The following CFAP20DC variants were observed in gnomAD, a reference collection of about 807,000 sequenced individuals.
CFAP20DC encodes the protein CFAP20 domain containing, also known as protein CFAP20DC.
In CFAP20DC, 84 loss-of-function variants were observed where a neutral mutation model predicts 101.7. The observed-to-expected ratio is 0.83, with a 90% CI of 0.69 to 0.99. The LOEUF (loss-of-function observed/expected upper bound fraction) is 0.99, where lower values mean the gene tolerates loss of function less well. Among genes scored for constraint, CFAP20DC ranks in the 50% least tolerant of loss-of-function variants. The pLI is 0.00. For synonymous variants in CFAP20DC, 359 were observed against 351.2 expected (o/e 1.02, Z -0.25); for missense variants, 1,007 against 970.3 (o/e 1.04, Z -0.50).
intron 4 of CFAP20DC, among the ~76,000 whole-genome samples, chr3:58,942,176 T>C (rs373679850): frequency 4.6e-5 from 7 of 152,260 alleles, no homozygotes; most frequent in South Asian, 2.1e-4. Flanking sequence ...CTCATTGATC[T>C]TCAAATGTGA....
chr3:59,011,021 G>C (rs190210613), intron 4 of CFAP20DC, among the ~76,000 whole-genome samples: 18 of 152,294 alleles, frequency 1.2e-4, no homozygotes, highest in Non-Finnish European at 2.5e-4. Flanking sequence ...GACTATAATA[G>C]TGGCACAACT....
rs191058930 is a variant in CFAP20DC, at chr3:58,928,591, T to C, written c.393+9057A>G. 2.0e-5 allele frequency among the ~76,000 whole-genome samples: 3 copies of C among 152,326 alleles called. No homozygotes were observed. In the East Asian group the frequency reaches 5.8e-4, roughly 29 times the overall value. On this transcript the variant is annotated intron_variant, in intron 5 of 16. Transcript: ENST00000482387. ...TTCTACGTTCTTAACCCCTACATAC[T>C]ATTTATATGTTATATATGTAATAAA... is the stretch of plus-strand genomic sequence containing the variant.
intron 4 of CFAP20DC, among the ~76,000 whole-genome samples, chr3:59,000,033 T>C (rs2093264883): frequency 6.6e-6 from 1 of 152,084 alleles, no homozygotes. Context: ...GCCCAGAAAC[T>C]GCCTGTCCAA....
chr3:58,970,040 A>T (rs2091858229), intron 4 of CFAP20DC, among the ~76,000 whole-genome samples: 1 of 152,236 alleles, frequency 6.6e-6, no homozygotes, highest in African/African-American at 2.4e-5. Context: ...AATTTAAAAA[A>T]GCTATTACTA....
chr3:58,846,281 A>G (rs1453651238), intron 13 of CFAP20DC, among the ~76,000 whole-genome samples: 1 of 151,886 alleles, frequency 6.6e-6, no homozygotes, highest in Non-Finnish European at 1.5e-5. Context: ...TCTCAGCCCA[A>G]AATCTCCTTA....
rs1352810286 is a variant in CFAP20DC, at chr3:58,749,707, GA to G, written c.2332+4061del. On this transcript the variant is annotated intron_variant, in intron 16 of 16. Transcript: ENST00000482387. The stretch of plus-strand genomic sequence containing the variant: ...AGACAGGGCTACAGGCCTGAAGACA[GA>G]GGTTATTATTCCATTTTGGAGCTGG... Among the ~76,000 whole-genome samples, 3 of 147,810 alleles carry G rather than the reference GA, an allele frequency of 2.0e-5. No individual in the cohort carries two copies. The East Asian group carries it at 6.7e-4, about 33-fold the overall frequency.
At chr3:58,736,638 A>G (rs1246299065) in intron 3 of CFAP20DC, among the ~76,000 whole-genome samples, 1 of 152,232 alleles carries the variant, frequency 6.6e-6, no homozygotes, top group African/African-American at 2.4e-5. Flanking sequence ...CCGCTACAGC[A>G]CATTAGAGCT....
chr3:58,850,090 G>C (rs930945774), intron 12 of CFAP20DC, among the ~76,000 whole-genome samples: 3 of 152,074 alleles, frequency 2.0e-5, no homozygotes, highest in African/African-American at 7.2e-5. Flanking sequence ...ATTTTCCATA[G>C]AAATGCAAAA....
At chr3:58,883,047 A>G (rs1251295649) in intron 7 of CFAP20DC, among the ~76,000 whole-genome samples, 1 of 152,242 alleles carries the variant, frequency 6.6e-6, no homozygotes, top group East Asian at 1.9e-4. Context: ...TCCCAAGAAT[A>G]AATGAACATG....
downstream of CFAP20DC, among the ~76,000 whole-genome samples, chr3:58,716,186 G>C (rs1270127306): frequency 1.8e-5 from 2 of 110,694 alleles, no homozygotes; most frequent in Admixed American, 1.4e-4. Flanking sequence ...ACGGAGTCTC[G>C]CTCTGTCGCC....
intron 15 of CFAP20DC, among the ~76,000 whole-genome samples, chr3:58,802,395 T>A (rs932551746): frequency 6.6e-6 from 1 of 152,234 alleles, no homozygotes; most frequent in African/African-American, 2.4e-5. Flanking sequence ...CTCTACATTA[T>A]GTGAGATTAT....
At chr3:58,965,728 T>C (rs1448208041) in intron 4 of CFAP20DC, among the ~76,000 whole-genome samples, 1 of 152,202 alleles carries the variant, frequency 6.6e-6, no homozygotes, top group Non-Finnish European at 1.5e-5. Context: ...TTCACAATTA[T>C]TAAAATAATG....
intron 15 of CFAP20DC, among the ~76,000 whole-genome samples, chr3:58,780,819 T>A (rs539476116): frequency 6.6e-6 from 1 of 151,968 alleles, no homozygotes; most frequent in South Asian, 2.1e-4. Context: ...AGAGATAGAC[T>A]CCAATATAAT....
At chr3:59,020,887 C>A (rs1196465024) in intron 4 of CFAP20DC, among the ~76,000 whole-genome samples, 1 of 152,110 alleles carries the variant, frequency 6.6e-6, no homozygotes, top group Non-Finnish European at 1.5e-5. Context: ...AGAGCTTCAT[C>A]CTACCTGTAG....
intron 4 of CFAP20DC, among the ~76,000 whole-genome samples, chr3:58,950,565 A>T (rs1408598372): frequency 1.3e-5 from 2 of 152,226 alleles, no homozygotes; most frequent in Non-Finnish European, 2.9e-5. Context: ...AAACAGAGAT[A>T]TAGACCAATG....
chr3:58,815,536 C>T (rs1238613798), intron 14 of CFAP20DC, among the ~76,000 whole-genome samples: 1 of 150,952 alleles, frequency 6.6e-6, no homozygotes, highest in Non-Finnish European at 1.5e-5. Flanking sequence ...AGACCTTCTG[C>T]ACAGCAAAAG....
chr3:58,741,397 G>T (rs2107122394), downstream of CFAP20DC, among the ~76,000 whole-genome samples: 1 of 152,230 alleles, frequency 6.6e-6, no homozygotes. Context: ...CACAGGAGTG[G>T]TGATGAGTGT....
At position 58,869,700 on chromosome 3, in the gene CFAP20DC, C is replaced by T. The variant is rs2079979768; in HGVS notation, c.853-210G>A. Among the ~76,000 whole-genome samples, 1 of 152,102 alleles carries T rather than the reference C, an allele frequency of 6.6e-6. No homozygotes were observed. Among genetic ancestry groups the T allele is most frequent in the Non-Finnish European group, 1.5e-5 (1 of 68,010 alleles). ...GAGATAAAATAGAAGACATGCAAGTCTCCTAGACACATAAATTAAAATGTG... is the reference window on the plus strand; with the variant it reads ...GAGATAAAATAGAAGACATGCAAGTTTCCTAGACACATAAATTAAAATGTG... On this transcript the variant is annotated intron_variant, in intron 8 of 16. Transcript: ENST00000482387. The surrounding 1 kb of genome is among the most constrained non-coding windows in gnomAD (Gnocchi z 4.3).
chr3:58,958,920 A>G (rs1169999539), intron 4 of CFAP20DC, among the ~76,000 whole-genome samples: 4 of 151,860 alleles, frequency 2.6e-5, no homozygotes, highest in African/African-American at 9.7e-5. Flanking sequence ...GTCTTCATTT[A>G]CTTATGTCTT....
Sources: allele counts gnomAD v4.1 joint callset (sites outside exome capture counted in the v4.1 genomes callset), GRCh38; gene constraint gnomAD v4.1.1; non-coding constraint Gnocchi (gnomAD v3.1); transcripts MANE v1.5; gene names NCBI Gene and HGNC (gene_info 2026-07-23, HGNC 2026-07-21).